DSTN: variants seen among roughly 807,000 people sequenced by gnomAD.
DSTN encodes destrin, actin depolymerizing factor.
DSTN carries 10 observed loss-of-function variants against 16.8 expected under a neutral mutation model. The observed-to-expected ratio is 0.60, with a 90% CI of 0.37 to 1.01. DSTN has a LOEUF of 1.01. Ranked by LOEUF, DSTN falls within the 50% of genes least tolerant of loss-of-function variation. DSTN has a pLI of 0.01. For synonymous variants in DSTN, 57 were observed against 58.9 expected (o/e 0.97, Z 0.14); for missense variants, 141 against 196.7 (o/e 0.72, Z 1.69).
intron 1 of DSTN, among the ~76,000 whole-genome samples, chr20:17,578,948 C>T (rs1207971799): frequency 1.9e-4 from 19 of 99,716 alleles, no homozygotes; most frequent in African/African-American, 6.4e-4. Flanking sequence ...ACAACAAGAG[C>T]GAAATTCCAT....
chr20:17,575,979 AG>A (rs2035273921), intron 1 of DSTN, among the ~76,000 whole-genome samples: 3 of 152,226 alleles, frequency 2.0e-5, no homozygotes, highest in African/African-American at 7.2e-5. Flanking sequence ...TGATGTTGGA[AG>A]TGAGAAGTTT....
chr20:17,606,108 C>CAAA (rs112532016), intron 3 of DSTN, among the ~76,000 whole-genome samples: 5 of 134,604 alleles, frequency 3.7e-5, no homozygotes, highest in African/African-American at 1.1e-4. Flanking sequence ...AACTCTGTCT[C>CAAA]AAAAAAAAAA....
chr20:17,592,257 C>T (rs538051090), intron 1 of DSTN, among the ~76,000 whole-genome samples: 95 of 151,972 alleles, frequency 6.3e-4, no homozygotes, highest in African/African-American at 2.2e-3. Context: ...AAAACCCCAT[C>T]TTTATAAAAA....
intron 1 of DSTN, among the ~76,000 whole-genome samples, chr20:17,578,174 TTAAGA>T (rs1451689567): frequency 3.0e-4 from 45 of 152,344 alleles, no homozygotes; most frequent in African/African-American, 1.0e-3. Flanking sequence ...TTTATAGGAC[TTAAGA>T]TGTTTTATGA....
chr20:17,572,547 A>G (rs978692510), intron 1 of DSTN, among the ~76,000 whole-genome samples: 1 of 152,208 alleles, frequency 6.6e-6, no homozygotes, highest in African/African-American at 2.4e-5. Flanking sequence ...TAGAGTTAAA[A>G]GGTTTGCACG....
At chr20:17,586,351 A>G (rs1264562561) in intron 1 of DSTN, among the ~76,000 whole-genome samples, 1 of 152,204 alleles carries the variant, frequency 6.6e-6, no homozygotes, top group African/African-American at 2.4e-5. Flanking sequence ...GAAAAGGGAC[A>G]TATTTTAGGA....
intron 1 of DSTN, chr20:17,592,070 A>T (rs753935446): frequency 8.1e-6 from 8 of 985,332 alleles, no homozygotes; most frequent in Non-Finnish European, 9.6e-6. Flanking sequence ...TAGGGTTAGT[A>T]TTCCGTGCTT....
chr20:17,591,653 T>G (rs1026851616), intron 1 of DSTN, among the ~76,000 whole-genome samples: 3 of 152,358 alleles, frequency 2.0e-5, no homozygotes, highest in African/African-American at 7.2e-5. Context: ...CCAGATATTC[T>G]GAATCAGAAT....
chr20:17,604,591 C>A lies in DSTN; in HGVS notation c.348C>A (p.Ile116=). Residue 116 remains isoleucine (I), a synonymous_variant, in exon 3 of 4, where the codon ATC becomes ATA. Transcript: ENST00000246069. ...TAGCACCTCTGAAAAGTAAAATGAT[C>A]TATGCAAGCTCCAAGGATGCAATTA... ...PELAPLKSKM[I]YASSKDAIKK... 1 of 1,613,550 alleles carries A rather than the reference C, an allele frequency of 6.2e-7. No individual in the cohort carries two copies. The highest frequency in any genetic ancestry group is 2.2e-5 in the East Asian group (1 of 44,872).
At chr20:17,600,123 CT>C (rs2035570721) in intron 1 of DSTN, among the ~76,000 whole-genome samples, 1 of 152,104 alleles carries the variant, frequency 6.6e-6, no homozygotes, top group Non-Finnish European at 1.5e-5. Context: ...TTAAGCTACC[CT>C]CTTTATTATA....
chr20:17,580,306 A>G (rs1424989835), intron 1 of DSTN, among the ~76,000 whole-genome samples: 1 of 152,232 alleles, frequency 6.6e-6, no homozygotes, highest in Non-Finnish European at 1.5e-5. Context: ...AATATTTGAG[A>G]GATTTTTGTA....
At chr20:17,580,037 C>T (rs1483107824) in intron 1 of DSTN, among the ~76,000 whole-genome samples, 1 of 152,184 alleles carries the variant, frequency 6.6e-6, no homozygotes, top group African/African-American at 2.4e-5. Context: ...GTGTGTGCCT[C>T]AGTAGTTGTA....
chr20:17,587,635 CT>C (rs910752196), intron 1 of DSTN, among the ~76,000 whole-genome samples: 44 of 149,440 alleles, frequency 2.9e-4, no homozygotes, highest in Middle Eastern at 6.8e-3. Flanking sequence ...AGGCATTATT[CT>C]TTTTTTTTTC....
chr20:17,575,091 C>T (rs1479347571), intron 1 of DSTN, among the ~76,000 whole-genome samples: 3 of 151,944 alleles, frequency 2.0e-5, no homozygotes, highest in Non-Finnish European at 2.9e-5. Flanking sequence ...ACAATCTTCC[C>T]GCTTTGGCCT....
chr20:17,597,557 T>C (rs963989050), intron 1 of DSTN, among the ~76,000 whole-genome samples: 1 of 152,214 alleles, frequency 6.6e-6, no homozygotes, highest in Non-Finnish European at 1.5e-5. Flanking sequence ...AGGGTATCCA[T>C]CACCCGAATA....
intron 1 of DSTN, among the ~76,000 whole-genome samples, chr20:17,579,249 A>T (rs2035316417): frequency 6.6e-6 from 1 of 152,084 alleles, no homozygotes; most frequent in African/African-American, 2.4e-5. Flanking sequence ...CTACCACCAC[A>T]ACAGTATGAA....
chr20:17,605,090 T>G (rs759611456), intron 3 of DSTN: 15 of 456,334 alleles, frequency 3.3e-5, no homozygotes, highest in Non-Finnish European at 6.6e-5. Context: ...TTTAGGTAAT[T>G]AATTCATCTG....
At chr20:17,606,447 AC>A (rs2035643875) in intron 3 of DSTN, among the ~76,000 whole-genome samples, 1 of 152,234 alleles carries the variant, frequency 6.6e-6, no homozygotes. Context: ...CCAGCTGTTT[AC>A]TTTTCAATAC....
At chr20:17,598,600 C>T (rs575065777) in intron 1 of DSTN, among the ~76,000 whole-genome samples, 2 of 152,148 alleles carry the variant, frequency 1.3e-5, no homozygotes, top group African/African-American at 4.8e-5. Flanking sequence ...GTTCTTTATT[C>T]TGACAAGTTC....
Sources: allele counts gnomAD v4.1 joint callset (sites outside exome capture counted in the v4.1 genomes callset), GRCh38; gene constraint gnomAD v4.1.1; transcripts MANE v1.5; gene names NCBI Gene and HGNC (gene_info 2026-07-23, HGNC 2026-07-21).